The following WIPF2 variants were observed in gnomAD, a reference collection of about 807,000 sequenced individuals.
WIPF2 encodes WAS/WASL interacting protein family member 2, also known as WAS/WASL-interacting protein family member 2.
WIPF2 carries 23 observed loss-of-function variants against 38.8 expected under a neutral mutation model. The observed-to-expected ratio is 0.59, with a 90% CI of 0.43 to 0.84. The LOEUF is 0.84. Among genes scored for constraint, WIPF2 ranks in the 40% least tolerant of loss-of-function variants. WIPF2 has a pLI of 0.00. For synonymous variants in WIPF2, 210 were observed against 223.2 expected, an observed-to-expected ratio of 0.94 and a Z score of 0.53; for missense variants, 574 against 580.5, an observed-to-expected ratio of 0.99 and a Z score of 0.11.
At chr17:40,227,233 G>A (rs1054975748) in intron 1 of WIPF2, among the ~76,000 whole-genome samples, 4 of 151,704 alleles carry the variant, frequency 2.6e-5, no homozygotes, top group African/African-American at 9.7e-5. Context: ...TAGAGACGGG[G>A]TTTCACCATG....
chr17:40,264,911 C>T lies in WIPF2; in HGVS notation c.735C>T (p.Gly245=), dbSNP rs1259395336. Residue 245 remains glycine, a synonymous_variant, in exon 5 of 8, where the codon GGC becomes GGT. Transcript: ENST00000323571. ...TGAATATCAGAACAGGACCAAGTGG[C>T]CAGTCTCTGGCTCCTCCTCCTCCGC... ...SPVNIRTGPS[G]QSLAPPPPPY... 1.2e-6 allele frequency: 2 copies of T among 1,614,088 alleles called. No individual in the cohort carries two copies. The highest frequency in any genetic ancestry group is 1.7e-6 in the Non-Finnish European group (2 of 1,180,040).
At chr17:40,247,441 A>G (rs1159360330) in intron 1 of WIPF2, among the ~76,000 whole-genome samples, 1 of 148,888 alleles carries the variant, frequency 6.7e-6, no homozygotes, top group African/African-American at 2.5e-5. Flanking sequence ...CTAGTCTCGA[A>G]CTCCTGACCT....
intron 1 of WIPF2, among the ~76,000 whole-genome samples, chr17:40,227,923 GT>G (rs933995111): frequency 0.012 from 1,339 of 115,710 alleles, 26 homozygotes; most frequent in African/African-American, 0.037. Flanking sequence ...TATATTTCTT[GT>G]TTTTTTTTTT....
intron 3 of WIPF2, 163 bp downstream of exon 3, chr17:40,260,830 C>T (rs2031877969): frequency 2.0e-6 from 2 of 980,468 alleles, no homozygotes; most frequent in Non-Finnish European, 3.1e-6. Context: ...GAAGTTTCTT[C>T]TTGACTCTTG....
rs530456568 is a variant in WIPF2, at chr17:40,271,977, T to C, written c.971-1813T>C. Among the ~76,000 whole-genome samples, 26 of 152,308 alleles carry C rather than the reference T, an allele frequency of 1.7e-4. No homozygotes were observed. The South Asian group carries it at 5.0e-3, about 29-fold the overall frequency. On this transcript the variant is annotated intron_variant, in intron 5 of 7. Transcript: ENST00000323571. ...CATCTTTTAAGAGTGAATTTGATTT[T>C]TGGAATCACCAAAAAGCAGATTCAG...
rs199898298 is a variant in WIPF2, at chr17:40,243,857, A to AT, written c.-69-12526dup. On this transcript the variant is annotated intron_variant, in intron 1 of 7. Transcript: ENST00000323571. ...TTTTAATATTCATGATGGTTATGTGATTTTTTTTATTACTTGTTGGATCAG... is the reference window on the plus strand; with the variant it reads ...TTTTAATATTCATGATGGTTATGTGATTTTTTTTTATTACTTGTTGGATCAG... 3.9e-3 allele frequency among the ~76,000 whole-genome samples: 596 copies of AT among 151,920 alleles called. 2 individuals are homozygous for AT. The highest frequency in any genetic ancestry group is 0.014 in the African/African-American group (566 of 41,440).
intron 1 of WIPF2, among the ~76,000 whole-genome samples, chr17:40,239,917 G>C (rs566594852): frequency 5.3e-5 from 8 of 151,754 alleles, no homozygotes; most frequent in African/African-American, 1.7e-4. Context: ...GGCTGGTCTT[G>C]AACTCCTGAC....
rs2032533425 is a variant in WIPF2, at chr17:40,280,933, C to T, written c.*2708C>T. ...ATGTCTGCCTTATATGTTATTTGGT[C>T]CCACTGTTAATAATAGATTTATTAC... On this transcript the variant is annotated 3_prime_UTR_variant, in exon 8 of 8. Coordinates refer to ENST00000323571, the MANE Select transcript of WIPF2 (RefSeq NM_133264.5). The T allele has an allele frequency of 6.6e-6, 1 of 152,478 alleles. No homozygotes were observed. The highest frequency in any genetic ancestry group is 6.6e-5 in the Admixed American group (1 of 15,262). The allele number at this position is 152,478 out of a possible 1,614,324, so 9.4% of individuals were successfully genotyped here.
chr17:40,280,150 C>T lies in WIPF2; in HGVS notation c.*1925C>T, dbSNP rs2032513799. On this transcript the variant is annotated 3_prime_UTR_variant, in exon 8 of 8. Coordinates refer to ENST00000323571, the MANE Select transcript of WIPF2 (RefSeq NM_133264.5). ...CTTTCTAATCTGTTAGCAGTTATCT[C>T]CCAGAAGTATCCCTAGCATCCTGAA... The T allele has an allele frequency of 6.6e-6, 1 of 152,164 alleles. No individual in the cohort carries two copies. The allele number at this position is 152,164 out of a possible 1,614,324, so 9.4% of individuals were successfully genotyped here.
rs1339054459 is a variant in WIPF2, at chr17:40,220,622, T to G, written c.-70+1130T>G. 246 of 128,576 alleles carry G rather than the reference T, an allele frequency of 1.9e-3. 7 individuals are homozygous for G. The highest frequency in any genetic ancestry group is 7.2e-3 in the African/African-American group (230 of 32,104). The allele number at this position is 128,576 out of a possible 1,614,324, so 8.0% of individuals were successfully genotyped here. ...ATATATATATATATATATATATGTA[T>G]ATATATATATTTTTTTGTTGTTGTT... On this transcript the variant is annotated intron_variant, in intron 1 of 7. Coordinates refer to ENST00000323571, the MANE Select transcript of WIPF2 (RefSeq NM_133264.5).
intron 2 of WIPF2, among the ~76,000 whole-genome samples, chr17:40,256,777 A>C (rs966691524): frequency 6.6e-6 from 1 of 152,152 alleles, no homozygotes; most frequent in Admixed American, 6.6e-5. Context: ...AGAATAAACA[A>C]GTCCATCTTT....
In WIPF2 at chr17:40,261,600, C is replaced by A. The variant is rs545060161; in HGVS notation, c.197-925C>A. ...GGCATGAGCCACTGTGCCTGGCCCC[C>A]CAAACATTTATTTAACCCCCTTATC... On this transcript the variant is annotated intron_variant, in intron 3 of 7. Transcript: ENST00000323571. Among the ~76,000 whole-genome samples the A allele has an allele frequency of 2.0e-5, 3 of 150,574 alleles. No homozygotes were observed. In the East Asian group the frequency reaches 6.0e-4, roughly 30 times the overall value.
intron 1 of WIPF2, among the ~76,000 whole-genome samples, chr17:40,247,146 G>A (rs796290744): frequency 7.4e-5 from 11 of 147,694 alleles, no homozygotes; most frequent in African/African-American, 1.5e-4. Flanking sequence ...AAAACAACTC[G>A]CTTGTTAAAA....
chr17:40,247,184 G>A (rs1261106848), intron 1 of WIPF2, among the ~76,000 whole-genome samples: 2 of 143,808 alleles, frequency 1.4e-5, no homozygotes, highest in Non-Finnish European at 1.5e-5. Flanking sequence ...AATGTTCCTC[G>A]AAAATTTAAT....
At chr17:40,235,736 G>A (rs1013706311) in intron 1 of WIPF2, among the ~76,000 whole-genome samples, 2 of 151,450 alleles carry the variant, frequency 1.3e-5, no homozygotes, top group African/African-American at 4.9e-5. Context: ...ACCATGCCCA[G>A]CTAATTTTGT....
intron 1 of WIPF2, among the ~76,000 whole-genome samples, chr17:40,244,240 T>C (rs769074500): frequency 2.0e-5 from 3 of 152,166 alleles, no homozygotes; most frequent in Non-Finnish European, 2.9e-5. Context: ...TCATTCCTCT[T>C]GACATTATTC....
intron 4 of WIPF2, 142 bp from the exon 5 acceptor site, chr17:40,264,348 A>AAAG (rs2032009087): frequency 4.9e-5 from 33 of 676,624 alleles, no homozygotes; most frequent in African/African-American, 4.5e-4. Flanking sequence ...AAAAAAAAAA[A>AAAG]AAAAAGAAAA....
intron 5 of WIPF2, among the ~76,000 whole-genome samples, chr17:40,269,637 C>T (rs1196540916): frequency 8.9e-6 from 1 of 112,776 alleles, no homozygotes; most frequent in African/African-American, 3.4e-5. Flanking sequence ...TGGAGTCTTG[C>T]TCTGTCGCCC....
intron 1 of WIPF2, among the ~76,000 whole-genome samples, chr17:40,241,800 C>T (rs1220870087): frequency 1.3e-5 from 2 of 152,278 alleles, no homozygotes; most frequent in African/African-American, 2.4e-5. Context: ...ACACAATTCT[C>T]CCTTTTGTAT....
Sources: allele counts gnomAD v4.1 joint callset (sites outside exome capture counted in the v4.1 genomes callset), GRCh38; gene constraint gnomAD v4.1.1; transcripts MANE v1.5; gene names NCBI Gene and HGNC (gene_info 2026-07-23, HGNC 2026-07-21).